CHRNB3: variants seen among roughly 807,000 people sequenced by gnomAD.
The protein encoded by CHRNB3 is neuronal acetylcholine receptor subunit beta-3.
Under a neutral mutation model 40.6 loss-of-function variants are expected in CHRNB3, and 37 were observed. The ratio of observed to expected loss-of-function variants is 0.91; its 90% CI spans 0.70 to 1.20. CHRNB3 has a LOEUF of 1.20. CHRNB3 is among the 50% of genes most tolerant of loss of function. The pLI is 0.00. For missense variants in CHRNB3, 505 were observed against 551.2 expected (o/e 0.92, Z 0.84); for synonymous variants, 207 against 207.1 (o/e 1.00, Z 0.00).
chr8:42,700,608 C>T (rs1815775020), intron 1 of CHRNB3, among the ~76,000 whole-genome samples: 1 of 152,182 alleles, frequency 6.6e-6, no homozygotes, highest in Non-Finnish European at 1.5e-5. Flanking sequence ...GCATGAGCCA[C>T]CATGCCCGGC....
In CHRNB3 at chr8:42,732,289, T is replaced by C; in HGVS notation, c.982T>C (p.Tyr328His). Residue 328 changes from tyrosine (Y) to histidine (H), a missense_variant, in exon 5 of 6, where the codon TAC (tyrosine) becomes CAC (histidine). Physicochemically the swap from Tyr to His is moderately conservative, Grantham distance 83. Coordinates refer to ENST00000289957, the MANE Select transcript of CHRNB3 (RefSeq NM_000749.5). The stretch of plus-strand genomic sequence containing the variant: ...CGTTCACCACAGATCTTCTTCCACG[T>C]ACCACCCCATGGCCCCCTGGGTTAA... ...INVHHRSSST[Y>H]HPMAPWVKRL... The C allele has an allele frequency of 6.2e-7, 1 of 1,608,428 alleles. No individual in the cohort carries two copies. The highest frequency in any genetic ancestry group is 8.5e-7 in the Non-Finnish European group (1 of 1,178,482).
Position 42,736,671 on chromosome 8 carries a change from C to T in CHRNB3, c.*53C>T. 1 of 1,599,966 alleles carries T rather than the reference C, an allele frequency of 6.3e-7. No individual in the cohort carries two copies. The highest frequency in any genetic ancestry group is 8.6e-7 in the Non-Finnish European group (1 of 1,168,800). On this transcript the variant is annotated 3_prime_UTR_variant, in exon 6 of 6. Coordinates refer to ENST00000289957, the MANE Select transcript of CHRNB3 (RefSeq NM_000749.5). ...CACCTTAGACCTGACATCTGGCTATCACACAGACAGAATCCAAATGCATGT... is the reference window on the plus strand; with the variant it reads ...CACCTTAGACCTGACATCTGGCTATTACACAGACAGAATCCAAATGCATGT...
At chr8:42,708,465 C>CA (rs1297447679) in intron 1 of CHRNB3, among the ~76,000 whole-genome samples, 2 of 89,894 alleles carry the variant, frequency 2.2e-5, no homozygotes, top group African/African-American at 6.4e-5. Context: ...GACTCTGTCT[C>CA]AAAAAAAATA....
intron 5 of CHRNB3, 121 bp from the exon 6 acceptor site, chr8:42,736,363 G>T: frequency 8.4e-7 from 1 of 1,196,892 alleles, no homozygotes. Flanking sequence ...GACATTAGAT[G>T]CATTTTGAAA....
At chr8:42,718,739 G>A (rs1428425994) in intron 3 of CHRNB3, among the ~76,000 whole-genome samples, 1 of 140,298 alleles carries the variant, frequency 7.1e-6, no homozygotes, top group Non-Finnish European at 1.5e-5. Flanking sequence ...TTTTTAAAAA[G>A]CCTTACAATT....
At chr8:42,702,624 A>C (rs1815829416) in intron 1 of CHRNB3, among the ~76,000 whole-genome samples, 1 of 152,050 alleles carries the variant, frequency 6.6e-6, no homozygotes, top group East Asian at 1.9e-4. Flanking sequence ...TTAGCTGGGC[A>C]TGGTGGCACG....
chr8:42,697,389 G>A lies in CHRNB3; in HGVS notation c.-158G>A. On this transcript the variant is annotated 5_prime_UTR_variant, in exon 1 of 6. Coordinates refer to ENST00000289957, the MANE Select transcript of CHRNB3 (RefSeq NM_000749.5). ...TTGAGAAGCGGCACACTCGGCGAGA[G>A]GGGTTGAGATTGTTTTATTCCACTC... The A allele has an allele frequency of 1.6e-6, 1 of 607,316 alleles. No homozygotes were observed. The highest frequency in any genetic ancestry group is 2.7e-5 in the Admixed American group (1 of 37,164). 37.6% of individuals were successfully genotyped at this position (607,316 alleles called of 1,614,324 possible).
At chr8:42,731,441 G>C (rs995932190) in intron 4 of CHRNB3, among the ~76,000 whole-genome samples, 4 of 152,126 alleles carry the variant, frequency 2.6e-5, no homozygotes, top group Non-Finnish European at 5.9e-5. Context: ...TGTAATCCCA[G>C]CTACTCAGGA....
At position 42,729,122 on chromosome 8, in the gene CHRNB3, C is replaced by G. The variant is rs189758118; in HGVS notation, c.250-1472C>G. 3.0e-4 allele frequency among the ~76,000 whole-genome samples: 45 copies of G among 152,074 alleles called. No homozygotes were observed. In the East Asian group the frequency reaches 6.8e-3, roughly 23 times the overall value. On this transcript the variant is annotated intron_variant, in intron 3 of 5. Transcript: ENST00000289957. Reference sequence around the variant, plus strand: ...GCGTGATTTCCCATAAATATCATGCCATTGGCCGGGCACGGTGGCTCACAC... The same window carrying G: ...GCGTGATTTCCCATAAATATCATGCGATTGGCCGGGCACGGTGGCTCACAC...
chr8:42,729,775 G>A (rs1030018106), intron 3 of CHRNB3, among the ~76,000 whole-genome samples: 1 of 152,108 alleles, frequency 6.6e-6, no homozygotes, highest in Non-Finnish European at 1.5e-5. Context: ...TAATTTTCAG[G>A]TCAGATTTCC....
intron 3 of CHRNB3, chr8:42,721,952 TG>T (rs1440227330): frequency 6.6e-6 from 1 of 151,706 alleles, no homozygotes; most frequent in Admixed American, 6.6e-5. Flanking sequence ...GGACTGAGAG[TG>T]GAGTGAGGTT....
Position 42,730,711 on chromosome 8 carries a change from T to C in CHRNB3, c.359+8T>C, listed in dbSNP as rs1297679858. ...CATAGTTCTCTTTGAAAAGTAAGTA[T>C]CACATTGTTTCTTACTTATGGGGAA... On this transcript the variant is annotated splice_region_variant and intron_variant, in intron 4 of 5. Transcript: ENST00000289957. 6.6e-7 allele frequency: 1 copy of C among 1,510,452 alleles called. No homozygotes were observed. 93.6% of individuals were successfully genotyped at this position (1,510,452 alleles called of 1,614,324 possible).
chr8:42,736,567 G>T lies in CHRNB3; in HGVS notation c.1326G>T (p.Ser442=). The part of the protein sequence containing the change: ...WLFLIVSVTG[S]VLIFTPALKM... ...TTCTGATAGTGTCAGTAACAGGCTCGGTTCTGATTTTTACCCCTGCTTTGA... is the reference window on the plus strand; with the variant it reads ...TTCTGATAGTGTCAGTAACAGGCTCTGTTCTGATTTTTACCCCTGCTTTGA... The change falls in exon 6 of 6, where the codon TCG becomes TCT. Residue 442 remains serine, a synonymous_variant. Coordinates refer to ENST00000289957, the MANE Select transcript of CHRNB3 (RefSeq NM_000749.5). 6.2e-7 allele frequency: 1 copy of T among 1,614,048 alleles called. No individual in the cohort carries two copies. Among genetic ancestry groups the T allele is most frequent in the Non-Finnish European group, 8.5e-7 (1 of 1,180,008 alleles).
chr8:42,711,648 G>C (rs1338692275), intron 3 of CHRNB3, among the ~76,000 whole-genome samples: 1 of 152,062 alleles, frequency 6.6e-6, no homozygotes, highest in African/African-American at 2.4e-5. Flanking sequence ...GCCCACCCCA[G>C]CCTCCCAAAG....
intron 3 of CHRNB3, among the ~76,000 whole-genome samples, chr8:42,715,272 G>A (rs144672818): frequency 1.3e-5 from 2 of 152,120 alleles, no homozygotes; most frequent in African/African-American, 4.8e-5. Context: ...AGGAGGAGGG[G>A]ATATTTAATT....
At chr8:42,730,451 C>A (rs1816386396) in intron 3 of CHRNB3, 143 bp from the exon 4 acceptor site, 4 of 526,488 alleles carry the variant, frequency 7.6e-6, no homozygotes, top group South Asian at 3.2e-5. Context: ...ACTGAGTCCC[C>A]AGTAGGGTCA....
chr8:42,727,019 G>A (rs1472647890), intron 3 of CHRNB3, among the ~76,000 whole-genome samples: 2 of 152,216 alleles, frequency 1.3e-5, no homozygotes, highest in East Asian at 3.9e-4. Context: ...ATAGCCACAA[G>A]CAGATTCAAA....
intron 1 of CHRNB3, among the ~76,000 whole-genome samples, chr8:42,704,136 A>T (rs1563606665): frequency 6.6e-6 from 1 of 152,176 alleles, no homozygotes; most frequent in Non-Finnish European, 1.5e-5. Context: ...CACGTGCTAG[A>T]AAGTCAGTTT....
intron 3 of CHRNB3, among the ~76,000 whole-genome samples, chr8:42,711,442 T>G (rs1469046723): frequency 1.3e-5 from 2 of 152,026 alleles, no homozygotes; most frequent in African/African-American, 4.8e-5. Flanking sequence ...CCGCCCAGGC[T>G]GGAGTGCAGT....
Sources: gnomAD v4.1 joint callset for allele counts (sites outside exome capture counted in the v4.1 genomes callset) on GRCh38, gnomAD v4.1.1 for gene constraint, MANE v1.5 for transcripts, NCBI Gene and HGNC (gene_info 2026-07-23, HGNC 2026-07-21) for gene names.